Variants in PCGF3 observed in about 807,000 individuals in gnomAD.
PCGF3 encodes polycomb group ring finger 3.
PCGF3 carries 7 observed loss-of-function variants against 33.1 expected under a neutral mutation model. The observed-to-expected ratio is 0.21, with a 90% CI of 0.12 to 0.40. The LOEUF is 0.40. Ranked by LOEUF, PCGF3 falls within the 10% of genes least tolerant of loss-of-function variation. The pLI, the probability that PCGF3 is intolerant of heterozygous loss-of-function variation, is 1.00. For synonymous variants in PCGF3, 153 were observed against 121.3 expected (o/e 1.26, Z -1.72); for missense variants, 211 against 313.3 (o/e 0.67, Z 2.46).
At chr4:734,855 G>C (rs1027603181) in intron 4 of PCGF3, 76 bp from the exon 5 acceptor site, 1 of 1,552,632 alleles carries the variant, frequency 6.4e-7, no homozygotes. Flanking sequence ...AGACGCCCGT[G>C]TTCAGTGGAG....
intron 1 of PCGF3, among the ~76,000 whole-genome samples, chr4:723,313 G>C (rs961163618): frequency 6.6e-6 from 1 of 152,240 alleles, no homozygotes; most frequent in Non-Finnish European, 1.5e-5. Flanking sequence ...AGAGGAGGGT[G>C]CATTTCGGAG....
chr4:765,686 G>T (rs528462202), intron 10 of PCGF3, among the ~76,000 whole-genome samples: 1 of 152,114 alleles, frequency 6.6e-6, no homozygotes, highest in East Asian at 1.9e-4. Flanking sequence ...CCTGGGGAGA[G>T]GGGGAGGAGC....
intron 1 of PCGF3, among the ~76,000 whole-genome samples, chr4:726,519 A>T (rs1290561177): frequency 6.6e-6 from 1 of 152,166 alleles, no homozygotes; most frequent in Non-Finnish European, 1.5e-5. Context: ...GGTGCTTTTG[A>T]ATAACTCAGG....
At chr4:754,058 G>C (rs1163572105) in intron 8 of PCGF3, among the ~76,000 whole-genome samples, 1 of 152,178 alleles carries the variant, frequency 6.6e-6, no homozygotes, top group Non-Finnish European at 1.5e-5. Context: ...GACCCAGTGG[G>C]ACTGCAGGGC....
chr4:765,956 C>T, intron 10 of PCGF3, 76 bp from the exon 11 acceptor site: 1 of 1,351,742 alleles, frequency 7.4e-7, no homozygotes, highest in Admixed American at 1.7e-5. Context: ...GATTCCTCAG[C>T]ACCCTTCCCG....
At chr4:762,178 A>C (rs1560219670) in intron 9 of PCGF3, 5 of 744,588 alleles carry the variant, frequency 6.7e-6, no homozygotes, top group Non-Finnish European at 8.2e-6. Flanking sequence ...TGTTTGGAAA[A>C]GGATCTTTGT....
At chr4:735,916 T>G (rs1341735263) in intron 5 of PCGF3, among the ~76,000 whole-genome samples, 1 of 152,204 alleles carries the variant, frequency 6.6e-6, no homozygotes, top group African/African-American at 2.4e-5. Context: ...TCGTTCAGAT[T>G]TGGGGGGTTG....
chr4:708,399 T>C (rs1405204417), intron 1 of PCGF3, among the ~76,000 whole-genome samples: 1 of 152,062 alleles, frequency 6.6e-6, no homozygotes, highest in African/African-American at 2.4e-5. Context: ...TCCAGCAGTG[T>C]CCTGAATCTG....
At chr4:761,174 TCAGCAG>T in intron 8 of PCGF3, 99 bp from the exon 9 acceptor site, 1 of 844,266 alleles carries the variant, frequency 1.2e-6, no homozygotes. Flanking sequence ...CTCAAAAAGG[TCAGCAG>T]TCCTAGATTG....
Position 731,233 on chromosome 4 carries a change from G to A in PCGF3, c.-10+123G>A, listed in dbSNP as rs1039182738. On this transcript the variant is annotated intron_variant, in intron 3 of 10. Transcript: ENST00000362003. ...GGTCAGGACACGATGCAGTGTTCAC[G>A]GTTCACTGCCGAGTTTTCCTGGCCC... The A allele has an allele frequency of 1.5e-5, 6 of 398,420 alleles. No individual in the cohort carries two copies. The Admixed American group carries it at 2.6e-4, about 18-fold the overall frequency. 24.7% of individuals were successfully genotyped at this position (398,420 alleles called of 1,614,324 possible).
intron 6 of PCGF3, among the ~76,000 whole-genome samples, chr4:742,148 C>A (rs987072455): frequency 6.7e-6 from 1 of 149,790 alleles, no homozygotes; most frequent in African/African-American, 2.5e-5. Flanking sequence ...TCTCGGGGTC[C>A]CCTCCTCTCT....
At chr4:737,671 CT>C (rs1315188643) in intron 6 of PCGF3, 150 bp downstream of exon 6, 2 of 628,894 alleles carry the variant, frequency 3.2e-6, no homozygotes, top group Non-Finnish European at 5.7e-6. Context: ...CCAACTTCAT[CT>C]CCTTGGCTGG....
intron 1 of PCGF3, among the ~76,000 whole-genome samples, chr4:708,556 G>A (rs1742431891): frequency 6.6e-6 from 1 of 152,150 alleles, no homozygotes; most frequent in Non-Finnish European, 1.5e-5. Flanking sequence ...GTATGAGGCA[G>A]GGGCCTCAGG....
chr4:715,186 A>G (rs866376183), intron 1 of PCGF3, among the ~76,000 whole-genome samples: 10 of 136,764 alleles, frequency 7.3e-5, no homozygotes, highest in Admixed American at 1.5e-4. Flanking sequence ...GGGACCCTGT[A>G]GACACTGCGA....
At chr4:725,911 C>A (rs1743314064) in intron 1 of PCGF3, among the ~76,000 whole-genome samples, 1 of 152,194 alleles carries the variant, frequency 6.6e-6, no homozygotes, top group Non-Finnish European at 1.5e-5. Flanking sequence ...CTGGCCTCCC[C>A]ATTTCAGGAG....
intron 8 of PCGF3, among the ~76,000 whole-genome samples, chr4:749,941 A>G (rs1032728042): frequency 3.9e-5 from 6 of 152,238 alleles, no homozygotes; most frequent in Non-Finnish European, 7.3e-5. Context: ...AGAGTAGCAG[A>G]CACTGTTGGC....
chr4:760,387 G>C (rs933842921), intron 8 of PCGF3, among the ~76,000 whole-genome samples: 1 of 151,596 alleles, frequency 6.6e-6, no homozygotes, highest in Non-Finnish European at 1.5e-5. Context: ...TTTTTTTTAG[G>C]ACATTAATCT....
intron 9 of PCGF3, among the ~76,000 whole-genome samples, chr4:764,084 T>C (rs1745222463): frequency 6.6e-6 from 1 of 151,952 alleles, no homozygotes; most frequent in Non-Finnish European, 1.5e-5. Context: ...TGGGCGGCGA[T>C]GCTGCTGTTT....
At position 722,962 on chromosome 4, in the gene PCGF3, C is replaced by T. The variant is rs61649182; in HGVS notation, c.-189-7668C>T. Among the ~76,000 whole-genome samples, 853 of 144,910 alleles carry T rather than the reference C, an allele frequency of 5.9e-3. 17 individuals carry two copies. The highest frequency in any genetic ancestry group is 0.021 in the African/African-American group (811 of 37,850). ...CCACACTCGCGACATCGCCCGCCCG[C>T]GCCGGGTCCACACTCAGTCATCGCC... On this transcript the variant is annotated intron_variant, in intron 1 of 10. Transcript: ENST00000362003.
Sources: gnomAD v4.1 joint callset for allele counts (sites outside exome capture counted in the v4.1 genomes callset) on GRCh38, gnomAD v4.1.1 for gene constraint, MANE v1.5 for transcripts, NCBI Gene and HGNC (gene_info 2026-07-23, HGNC 2026-07-21) for gene names.